The following EPB41L4A variants were observed in gnomAD, a reference collection of about 807,000 sequenced individuals.
EPB41L4A encodes erythrocyte membrane protein band 4.1 like 4A.
In EPB41L4A, 100 loss-of-function variants were observed where a neutral mutation model predicts 108.6. The ratio of observed to expected loss-of-function variants is 0.92; its 90% CI spans 0.78 to 1.09. EPB41L4A has a LOEUF of 1.09. Among genes scored for constraint, EPB41L4A ranks in the 50% least tolerant of loss-of-function variants. The pLI is 0.00. For missense variants in EPB41L4A, 1,030 were observed against 842.7 expected (o/e 1.22, Z -2.75); for synonymous variants, 319 against 289.0 (o/e 1.10, Z -1.05).
intron 12 of EPB41L4A, among the ~76,000 whole-genome samples, chr5:112,214,667 G>A (rs1747483649): frequency 6.6e-6 from 1 of 152,166 alleles, no homozygotes; most frequent in Non-Finnish European, 1.5e-5. Context: ...TCGGGAGGCT[G>A]AGGCAGAAGA....
chr5:112,191,458 T>C (rs1438538912), intron 17 of EPB41L4A, among the ~76,000 whole-genome samples: 2 of 152,192 alleles, frequency 1.3e-5, no homozygotes. Flanking sequence ...TTTTTTAAAA[T>C]TTAATGGTTG....
chr5:112,370,518 TTGA>T (rs566585727), intron 1 of EPB41L4A, among the ~76,000 whole-genome samples: 3 of 152,204 alleles, frequency 2.0e-5, no homozygotes, highest in Non-Finnish European at 4.4e-5. Context: ...GACATTTTGA[TTGA>T]TGATAACCAA....
chr5:112,231,252 T>A (rs1325791868), intron 12 of EPB41L4A, among the ~76,000 whole-genome samples: 1 of 152,184 alleles, frequency 6.6e-6, no homozygotes, highest in African/African-American at 2.4e-5. Flanking sequence ...TTTAAACATA[T>A]CCATGAGGTA....
intron 12 of EPB41L4A, among the ~76,000 whole-genome samples, chr5:112,217,539 A>G (rs1007679827): frequency 6.6e-6 from 1 of 152,150 alleles, no homozygotes; most frequent in Non-Finnish European, 1.5e-5. Context: ...CTCTACAAAA[A>G]AAGTTTTTTT....
chr5:112,191,606 C>T lies in EPB41L4A; in HGVS notation c.1502+2962G>A, dbSNP rs532961200. On this transcript the variant is annotated intron_variant, in intron 17 of 22. Transcript: ENST00000261486. ...AGCTTATGCTCCAATGGGTTGACTT[C>T]GTGGAAAAAAGAAAACAATATTTCC... 3.3e-5 allele frequency among the ~76,000 whole-genome samples: 5 copies of T among 151,006 alleles called. No individual in the cohort carries two copies. The South Asian group carries it at 6.3e-4, about 19-fold the overall frequency.
chr5:112,357,965 T>C (rs1758469844), intron 1 of EPB41L4A, among the ~76,000 whole-genome samples: 1 of 152,238 alleles, frequency 6.6e-6, no homozygotes, highest in Non-Finnish European at 1.5e-5. Flanking sequence ...TTTTCATCAG[T>C]CACACCGGTC....
At chr5:112,246,321 G>A (rs1750218569) in intron 9 of EPB41L4A, among the ~76,000 whole-genome samples, 3 of 152,110 alleles carry the variant, frequency 2.0e-5, no homozygotes, top group Admixed American at 2.0e-4. Context: ...GTTTAGATGT[G>A]TTTGGATACA....
At chr5:112,400,382 G>C (rs998261760) in intron 1 of EPB41L4A, among the ~76,000 whole-genome samples, 1 of 151,922 alleles carries the variant, frequency 6.6e-6, no homozygotes, top group African/African-American at 2.4e-5. Context: ...ATATCACTGG[G>C]TCATTTATAA....
chr5:112,259,371 A>G (rs993950586), intron 8 of EPB41L4A, 79 bp from the exon 9 acceptor site: 9 of 1,179,208 alleles, frequency 7.6e-6, no homozygotes, highest in Non-Finnish European at 1.0e-5. Flanking sequence ...TCCAGTGGAA[A>G]AAGACTGGTG....
chr5:112,251,517 C>G lies in EPB41L4A; in HGVS notation c.795+7712G>C, dbSNP rs561395397. On this transcript the variant is annotated intron_variant, in intron 9 of 22. Coordinates refer to ENST00000261486, the MANE Select transcript of EPB41L4A (RefSeq NM_022140.5). ...AGATATTACTAAGTGGGGAAAAAAC[C>G]CCAACACAGTACAAAAACCCATACA... Among the ~76,000 whole-genome samples the G allele has an allele frequency of 2.1e-3, 315 of 151,836 alleles. 3 individuals carry two copies. The highest frequency in any genetic ancestry group is 7.2e-3 in the African/African-American group (299 of 41,406).
chr5:112,289,758 G>A (rs1468690662), intron 2 of EPB41L4A, among the ~76,000 whole-genome samples: 3 of 152,184 alleles, frequency 2.0e-5, no homozygotes, highest in African/African-American at 7.2e-5. Flanking sequence ...CCTTCATGCT[G>A]CTCCAGCAGA....
At chr5:112,313,148 A>C (rs910473559) in intron 1 of EPB41L4A, among the ~76,000 whole-genome samples, 1 of 152,200 alleles carries the variant, frequency 6.6e-6, no homozygotes, top group Admixed American at 6.5e-5. Flanking sequence ...CCAGAATATA[A>C]TGCAAAGTGA....
At chr5:112,181,591 A>G (rs1429734725) in intron 18 of EPB41L4A, among the ~76,000 whole-genome samples, 1 of 152,228 alleles carries the variant, frequency 6.6e-6, no homozygotes, top group East Asian at 1.9e-4. Context: ...AACTGGAAAC[A>G]ATTCAGCTGT....
intron 14 of EPB41L4A, among the ~76,000 whole-genome samples, chr5:112,204,909 T>C (rs959153157): frequency 2.0e-5 from 3 of 152,184 alleles, no homozygotes; most frequent in Non-Finnish European, 4.4e-5. Flanking sequence ...TATAGACTAC[T>C]TAATTAAGTG....
intron 1 of EPB41L4A, among the ~76,000 whole-genome samples, chr5:112,322,717 C>T (rs1383949114): frequency 4.0e-5 from 6 of 151,622 alleles, no homozygotes; most frequent in Non-Finnish European, 1.5e-5. Context: ...CACACACACA[C>T]ACACACACAC....
chr5:112,342,754 T>C (rs1483666547), intron 1 of EPB41L4A, among the ~76,000 whole-genome samples: 1 of 152,160 alleles, frequency 6.6e-6, no homozygotes, highest in African/African-American at 2.4e-5. Flanking sequence ...GTCACTTTTA[T>C]GCTGCCAGTT....
chr5:112,392,003 C>T (rs545155902), intron 1 of EPB41L4A, among the ~76,000 whole-genome samples: 2 of 152,124 alleles, frequency 1.3e-5, no homozygotes, highest in Non-Finnish European at 2.9e-5. Flanking sequence ...AGAAATAAAT[C>T]GTTTACAGAC....
rs147691397 is a variant in EPB41L4A, at chr5:112,305,670, C to T, written c.204+1716G>A. Among the ~76,000 whole-genome samples, 415 of 152,206 alleles carry T rather than the reference C, an allele frequency of 2.7e-3. 3 individuals are homozygous for T. Among genetic ancestry groups the T allele is most frequent in the African/African-American group, 9.3e-3 (386 of 41,534 alleles). ...CTCCTACAATTAAAAGATAATCAGACAATACATGTGAACATGCAAAGACTA... is the reference window on the plus strand; with the variant it reads ...CTCCTACAATTAAAAGATAATCAGATAATACATGTGAACATGCAAAGACTA... On this transcript the variant is annotated intron_variant, in intron 2 of 22. Coordinates refer to ENST00000261486, the MANE Select transcript of EPB41L4A (RefSeq NM_022140.5).
At chr5:112,177,103 T>C (rs1760907958) in intron 18 of EPB41L4A, among the ~76,000 whole-genome samples, 1 of 152,084 alleles carries the variant, frequency 6.6e-6, no homozygotes, top group African/African-American at 2.4e-5. Context: ...ATATATAATT[T>C]TTTTTTCTAC....
Sources: allele counts gnomAD v4.1 joint callset (sites outside exome capture counted in the v4.1 genomes callset), GRCh38; gene constraint gnomAD v4.1.1; transcripts MANE v1.5; gene names NCBI Gene and HGNC (gene_info 2026-07-23, HGNC 2026-07-21).